The following RBM45 variants were observed in gnomAD, a reference collection of about 807,000 sequenced individuals.
RBM45 encodes the protein RNA-binding protein 45.
Under a neutral mutation model 58.5 loss-of-function variants are expected in RBM45, and 39 were observed. The observed-to-expected ratio is 0.67, with a 90% CI of 0.52 to 0.87. The LOEUF is 0.87. Ranked by LOEUF, RBM45 falls within the 40% of genes least tolerant of loss-of-function variation. RBM45 has a pLI of 0.00. For missense variants in RBM45, 481 were observed against 581.6 expected (o/e 0.83, Z 1.78); for synonymous variants, 193 against 203.0 (o/e 0.95, Z 0.42).
rs1192394250 is a variant in RBM45, at chr2:178,117,974, A to C, written c.424-81A>C. 2.5e-6 allele frequency: 3 copies of C among 1,216,596 alleles called. No individual in the cohort carries two copies. In the East Asian group the frequency reaches 7.4e-5, roughly 30 times the overall value. The allele number at this position is 1,216,596 out of a possible 1,614,324, so 75.4% of individuals were successfully genotyped here. ...TTCTTTGTTTGCATGCAAGGGTCAC[A>C]TATAAACAAATTTTTAGTTCTGAAA... On this transcript the variant is annotated intron_variant, in intron 2 of 9. Coordinates refer to ENST00000286070, the MANE Select transcript of RBM45 (RefSeq NM_152945.4).
intron 4 of RBM45, 102 bp downstream of exon 4, chr2:178,120,511 A>G: frequency 1.9e-6 from 2 of 1,048,880 alleles, no homozygotes; most frequent in South Asian, 2.1e-5. Context: ...AATTTCACCT[A>G]GTGAATAAAA....
chr2:178,121,074 T>G, intron 4 of RBM45, 106 bp from the exon 5 acceptor site: 1 of 517,900 alleles, frequency 1.9e-6, no homozygotes, highest in Non-Finnish European at 3.4e-6. Context: ...CAAAATACAG[T>G]GCCTTTATTC....
downstream of RBM45, among the ~76,000 whole-genome samples, chr2:178,132,233 A>G (rs2088011437): frequency 6.6e-6 from 1 of 152,232 alleles, no homozygotes. Flanking sequence ...CTTCTAAAGC[A>G]ACATGTTCCA....
At chr2:178,118,257 G>A (rs1231998833) in intron 3 of RBM45, 76 bp downstream of exon 3, 2 of 1,394,970 alleles carry the variant, frequency 1.4e-6, no homozygotes, top group Non-Finnish European at 1.9e-6. Flanking sequence ...TTTAATATTA[G>A]TTTTTGCTAA....
chr2:178,116,510 T>G (rs900597681), intron 2 of RBM45, 126 bp downstream of exon 2: 4 of 662,194 alleles, frequency 6.0e-6, no homozygotes, highest in Non-Finnish European at 9.2e-6. Flanking sequence ...CATAACTGCT[T>G]TCATCAATTT....
chr2:178,127,549 T>C (rs144176413), intron 9 of RBM45, among the ~76,000 whole-genome samples: 2 of 152,274 alleles, frequency 1.3e-5, no homozygotes, highest in Non-Finnish European at 2.9e-5. Context: ...AAAGTGCCCA[T>C]TGGGCCCATA....
chr2:178,120,532 T>C, intron 4 of RBM45, 123 bp downstream of exon 4: 1 of 828,778 alleles, frequency 1.2e-6, no homozygotes, highest in Non-Finnish European at 1.7e-6. Context: ...ATCTTAAATG[T>C]AGTTTTTTTA....
At chr2:178,121,403 T>TACACACAC in intron 5 of RBM45, 44 bp downstream of exon 5, 1 of 592,424 alleles carries the variant, frequency 1.7e-6, no homozygotes, top group Non-Finnish European at 2.6e-6. Flanking sequence ...TATGTATATA[T>TACACACAC]ACACACACAC....
chr2:178,124,190 T>C lies in RBM45; in HGVS notation c.1132T>C (p.Cys378Arg). The change falls in exon 8 of 10, where the codon TGC becomes CGC. Residue 378 changes from cysteine to arginine, a missense_variant. Physicochemically the swap from Cys to Arg is radical, Grantham distance 180. Coordinates refer to ENST00000286070, the MANE Select transcript of RBM45 (RefSeq NM_152945.4). ...QIQTDVVLPS[C>R]KKKAPAETPV... is the part of the protein sequence containing the mutation. ...CCAGACAGATGTTGTACTTCCATCATGCAAAAAAAAAGCTCCTGCTGAAAC... is the reference window on the plus strand; with the variant it reads ...CCAGACAGATGTTGTACTTCCATCACGCAAAAAAAAAGCTCCTGCTGAAAC... 16 of 1,610,456 alleles carry C rather than the reference T, an allele frequency of 9.9e-6. No homozygotes were observed. Among genetic ancestry groups the C allele is most frequent in the Non-Finnish European group, 1.3e-5 (15 of 1,178,742 alleles).
At chr2:178,135,839 A>T (rs968011557) in intron 3 of RBM45, among the ~76,000 whole-genome samples, 12 of 152,364 alleles carry the variant, frequency 7.9e-5, no homozygotes, top group Middle Eastern at 3.4e-3. Flanking sequence ...GATTCTACAG[A>T]AACATCCTGG....
At chr2:178,138,574 A>G (rs2088063282) in exon 4 of RBM45, 1 of 152,166 alleles carries the variant, frequency 6.6e-6, no homozygotes, top group African/African-American at 2.4e-5. Context: ...TAAAGGTAAC[A>G]GGCATTCTGT....
At chr2:178,126,254 T>C (rs546829623) in intron 9 of RBM45, 70 bp downstream of exon 9, 694 of 934,870 alleles carry the variant, frequency 7.4e-4, no homozygotes, top group Non-Finnish European at 9.9e-4. Context: ...GTGTAAGTAC[T>C]TTATAAACTT....
In RBM45 at chr2:178,120,415, T is replaced by C. The variant is rs1249718559; in HGVS notation, c.673+6T>C. ...AGTAAATATGTTTCCATTTGGTAAG[T>C]AGGCAACCTTTACTTTTAATAGTAT... On this transcript the variant is annotated splice_donor_region_variant and intron_variant, in intron 4 of 9. Coordinates refer to ENST00000286070, the MANE Select transcript of RBM45 (RefSeq NM_152945.4). The C allele has an allele frequency of 1.2e-6, 2 of 1,606,008 alleles. No individual in the cohort carries two copies. Among genetic ancestry groups the C allele is most frequent in the South Asian group, 1.1e-5 (1 of 88,878 alleles).
chr2:178,114,033 C>A (rs941884566), intron 1 of RBM45, among the ~76,000 whole-genome samples: 2 of 152,094 alleles, frequency 1.3e-5, no homozygotes, highest in African/African-American at 4.8e-5. Context: ...TGAAGTGTGT[C>A]AGAGTGACAG....
At position 178,121,171 on chromosome 2, in the gene RBM45, T is replaced by C. The variant is rs746734452; in HGVS notation, c.674-9T>C. 1.4e-6 allele frequency: 2 copies of C among 1,421,122 alleles called. No homozygotes were observed. The highest frequency in any genetic ancestry group is 1.3e-5 in the South Asian group (1 of 79,056). The allele number at this position is 1,421,122 out of a possible 1,614,324, so 88.0% of individuals were successfully genotyped here. A position where few individuals can be genotyped will look rare whatever the true frequency, so the allele number is the denominator to read the frequency against. Reference sequence around the variant, plus strand: ...ATCTAAAGATTTACTTTTTTTTATATTGTCGGAGAACAACAATCTGAATTT... The same window carrying C: ...ATCTAAAGATTTACTTTTTTTTATACTGTCGGAGAACAACAATCTGAATTT... On this transcript the variant is annotated splice_polypyrimidine_tract_variant and intron_variant, in intron 4 of 9. Transcript: ENST00000286070.
intron 1 of RBM45, among the ~76,000 whole-genome samples, chr2:178,114,500 T>G (rs1038682327): frequency 6.6e-6 from 1 of 152,194 alleles, no homozygotes; most frequent in East Asian, 1.9e-4. Context: ...AGAAATAAAC[T>G]TTACTATTTT....
At position 178,129,441 on chromosome 2, in the gene RBM45, A is replaced by T. The variant is rs948609827; in HGVS notation, c.*53A>T. The T allele has an allele frequency of 2.6e-5, 4 of 152,220 alleles. No homozygotes were observed. The highest frequency in any genetic ancestry group is 5.9e-5 in the Non-Finnish European group (4 of 68,000). The allele number at this position is 152,220 out of a possible 1,614,324, so 9.4% of individuals were successfully genotyped here. On this transcript the variant is annotated 3_prime_UTR_variant, in exon 10 of 10. Coordinates refer to ENST00000286070, the MANE Select transcript of RBM45 (RefSeq NM_152945.4). ...CATAATCCTCAGCTGACTGACTGAA[A>T]ATGTGACTGGACGCATTCCCTGTGG...
chr2:178,131,538 C>T (rs899035674), downstream of RBM45, among the ~76,000 whole-genome samples: 1 of 152,152 alleles, frequency 6.6e-6, no homozygotes, highest in African/African-American at 2.4e-5. Context: ...TAAATGATCC[C>T]GGTTTCTCCC....
rs748522080 is a variant in RBM45 at position 178,121,394 on chromosome 2, A to ATG, written c.853+37_853+38dup. Reference sequence around the variant, plus strand: ...TGTTCACATTAAAAAATATATATATATGTATATATACACACACACACACAC... The same window carrying ATG: ...TGTTCACATTAAAAAATATATATATATGTGTATATATACACACACACACACAC... On this transcript the variant is annotated intron_variant, in intron 5 of 9. Transcript: ENST00000286070. 8.9e-6 allele frequency: 8 copies of ATG among 895,386 alleles called. No individual in the cohort carries two copies. In the African/African-American group the frequency reaches 1.5e-4, roughly 17 times the overall value. The allele number at this position is 895,386 out of a possible 1,614,324, so 55.5% of individuals were successfully genotyped here.
Sources: gnomAD v4.1 joint callset for allele counts (sites outside exome capture counted in the v4.1 genomes callset) on GRCh38, gnomAD v4.1.1 for gene constraint, MANE v1.5 for transcripts, NCBI Gene and HGNC (gene_info 2026-07-23, HGNC 2026-07-21) for gene names.